Variants in DIPK1A observed in about 807,000 individuals in gnomAD.
The protein encoded by DIPK1A is divergent protein kinase domain 1A, also known as family with sequence similarity 69 member A.
Under a neutral mutation model 40.8 loss-of-function variants are expected in DIPK1A, and 27 were observed. The ratio of observed to expected loss-of-function variants is 0.66; its 90% CI spans 0.49 to 0.91. The LOEUF (loss-of-function observed/expected upper bound fraction) is 0.91, where lower values mean the gene tolerates loss of function less well. Ranked by LOEUF, DIPK1A falls within the 40% of genes least tolerant of loss-of-function variation. The probability of loss-of-function intolerance (pLI) is 0.00; values close to 1 mark genes in which losing one functional copy is unlikely to be tolerated. For synonymous variants in DIPK1A, 166 were observed against 171.3 expected, an observed-to-expected ratio of 0.97 and a Z score of 0.24; for missense variants, 412 against 505.7, an observed-to-expected ratio of 0.81 and a Z score of 1.78.
chr1:92,906,672 G>C (rs1370459468), intron 1 of DIPK1A, among the ~76,000 whole-genome samples: 3 of 152,124 alleles, frequency 2.0e-5, no homozygotes, highest in Non-Finnish European at 4.4e-5. Context: ...AAAGCATGCA[G>C]ATGAGTGAAA....
intron 1 of DIPK1A, among the ~76,000 whole-genome samples, chr1:92,886,070 T>C (rs1648583061): frequency 6.6e-6 from 1 of 152,166 alleles, no homozygotes; most frequent in Admixed American, 6.5e-5. Context: ...CAGAGGCTCA[T>C]GCCTGTAATC....
rs776082850 is a variant in DIPK1A at position 92,961,345 on chromosome 1, G to A, written c.54+31C>T. 8.8e-6 allele frequency: 13 copies of A among 1,480,612 alleles called. 1 individual carries two copies. The South Asian group carries it at 1.4e-4, about 16-fold the overall frequency. 91.7% of individuals were successfully genotyped at this position (1,480,612 alleles called of 1,614,324 possible). ...GCAGGGCACACGGCCGGGTGCTCCC[G>A]CAGCTGGTGGCTGGGCGGCCGCCGG... On this transcript the variant is annotated intron_variant, in intron 1 of 4. Coordinates refer to ENST00000370310, the MANE Select transcript of DIPK1A (RefSeq NM_001006605.5).
chr1:92,895,241 T>C (rs1649106553), intron 1 of DIPK1A, among the ~76,000 whole-genome samples: 1 of 152,050 alleles, frequency 6.6e-6, no homozygotes, highest in African/African-American at 2.4e-5. Context: ...TGAACATCGA[T>C]GCAAAAATCC....
At chr1:92,887,425 C>T (rs1055674125) in intron 1 of DIPK1A, among the ~76,000 whole-genome samples, 1 of 151,762 alleles carries the variant, frequency 6.6e-6, no homozygotes, top group Non-Finnish European at 1.5e-5. Context: ...GACCCTGTCT[C>T]AAAAACAAAA....
At chr1:92,930,916 A>G (rs1650722115) in intron 1 of DIPK1A, 1 of 152,118 alleles carries the variant, frequency 6.6e-6, no homozygotes, top group Non-Finnish European at 1.5e-5. Context: ...CACTCTATAC[A>G]CACTTCTGAA....
chr1:92,871,049 C>T (rs1647822412), intron 2 of DIPK1A, among the ~76,000 whole-genome samples: 1 of 152,188 alleles, frequency 6.6e-6, no homozygotes, highest in African/African-American at 2.4e-5. Flanking sequence ...AGTCTGCTTT[C>T]CAGGGAATTC....
At chr1:92,844,589 TA>T (rs1419506589) in intron 4 of DIPK1A, among the ~76,000 whole-genome samples, 1 of 152,204 alleles carries the variant, frequency 6.6e-6, no homozygotes, top group Non-Finnish European at 1.5e-5. Context: ...AAGGGTCAAC[TA>T]AAAATTATTT....
At chr1:92,904,668 C>T (rs551001352) in intron 1 of DIPK1A, among the ~76,000 whole-genome samples, 39 of 151,960 alleles carry the variant, frequency 2.6e-4, no homozygotes, top group African/African-American at 9.2e-4. Flanking sequence ...ATGAACATTC[C>T]AATTATACCT....
intron 1 of DIPK1A, among the ~76,000 whole-genome samples, chr1:92,893,343 A>T (rs1223133102): frequency 6.6e-6 from 1 of 151,904 alleles, no homozygotes; most frequent in Non-Finnish European, 1.5e-5. Flanking sequence ...GTGGGGGCCA[A>T]TATTCAACAT....
chr1:92,889,421 G>A (rs1648757458), intron 1 of DIPK1A, among the ~76,000 whole-genome samples: 1 of 152,110 alleles, frequency 6.6e-6, no homozygotes, highest in Admixed American at 6.5e-5. Flanking sequence ...TTCGAAATCT[G>A]GTAGTGTGAT....
intron 1 of DIPK1A, among the ~76,000 whole-genome samples, chr1:92,880,594 C>T (rs761879445): frequency 3.9e-5 from 6 of 152,272 alleles, no homozygotes; most frequent in East Asian, 1.9e-4. Flanking sequence ...CTTCTGGCCA[C>T]GCGGTGGCTC....
chr1:92,948,555 A>G (rs1651462132), intron 1 of DIPK1A, among the ~76,000 whole-genome samples: 1 of 149,608 alleles, frequency 6.7e-6, no homozygotes, highest in African/African-American at 2.5e-5. Flanking sequence ...AAGTGCTGGG[A>G]TTACAGGCAT....
intron 1 of DIPK1A, among the ~76,000 whole-genome samples, chr1:92,906,739 C>CCTAG (rs1179459802): frequency 7.9e-5 from 12 of 152,076 alleles, no homozygotes; most frequent in Non-Finnish European, 1.5e-5. Context: ...AAGTGTAATA[C>CCTAG]CTAGTACTCT....
intron 1 of DIPK1A, chr1:92,934,154 A>G (rs186704820): frequency 3.5e-4 from 53 of 152,380 alleles, no homozygotes; most frequent in African/African-American, 1.3e-3. Flanking sequence ...CAGTGGTAAC[A>G]CACACTGGCA....
chr1:92,845,540 T>TG (rs563617412), intron 4 of DIPK1A: 3,167 of 246,874 alleles, frequency 0.013, 134 homozygotes, highest in African/African-American at 0.11. Context: ...CCGTCTCTGC[T>TG]GAAAAAAAAA....
At chr1:92,835,889 T>C (rs1218173678) in intron 4 of DIPK1A, among the ~76,000 whole-genome samples, 1 of 152,196 alleles carries the variant, frequency 6.6e-6, no homozygotes, top group African/African-American at 2.4e-5. Flanking sequence ...GAGGGAACAT[T>C]GTAAGTATAA....
chr1:92,914,515 A>C (rs1649965728), intron 1 of DIPK1A, among the ~76,000 whole-genome samples: 1 of 152,116 alleles, frequency 6.6e-6, no homozygotes, highest in Non-Finnish European at 1.5e-5. Context: ...CTCGCGTGTA[A>C]TCCCAGCACT....
intron 3 of DIPK1A, among the ~76,000 whole-genome samples, chr1:92,848,395 CT>C (rs1687706542): frequency 1.3e-5 from 2 of 152,324 alleles, no homozygotes; most frequent in South Asian, 4.1e-4. Flanking sequence ...TACTCCGTTT[CT>C]CAAAGTCCCA....
At chr1:92,940,094 A>G (rs1475880789) in intron 1 of DIPK1A, among the ~76,000 whole-genome samples, 1 of 152,228 alleles carries the variant, frequency 6.6e-6, no homozygotes, top group Admixed American at 6.5e-5. Context: ...AGCATCATCA[A>G]GCATATATAG....
Sources: allele counts gnomAD v4.1 joint callset (sites outside exome capture counted in the v4.1 genomes callset), GRCh38; gene constraint gnomAD v4.1.1; transcripts MANE v1.5; gene names NCBI Gene and HGNC (gene_info 2026-07-23, HGNC 2026-07-21).